GLIS3: variants seen among roughly 807,000 people sequenced by gnomAD.
GLIS3 encodes the protein GLIS family zinc finger 3.
GLIS3 carries 53 observed loss-of-function variants against 78.6 expected under a neutral mutation model. That is an observed-to-expected ratio of 0.67 (90% CI 0.54 to 0.85). The LOEUF (loss-of-function observed/expected upper bound fraction) is 0.85. GLIS3 is among the 40% of genes least tolerant of loss of function. The pLI is 0.00. For missense variants in GLIS3, 1,703 were observed against 1,231.1 expected (o/e 1.38, Z -5.74); for synonymous variants, 684 against 509.9 (o/e 1.34, Z -4.60).
chr9:4,443,685 G>T, the GLIS3 span, among the ~76,000 whole-genome samples: 1 of 152,178 alleles, frequency 6.6e-6, no homozygotes, highest in Admixed American at 6.5e-5. Context: ...TGTTTCTAGA[G>T]GCCAGTTCAA....
chr9:4,127,841 G>GA (rs778237502), intron 2 of GLIS3, among the ~76,000 whole-genome samples: 53 of 152,090 alleles, frequency 3.5e-4, no homozygotes, highest in African/African-American at 1.2e-3. Flanking sequence ...TTCCTTTTCA[G>GA]AAAAAAGGTA....
chr9:4,119,870 C>T (rs780491266), intron 3 of GLIS3, among the ~76,000 whole-genome samples: 3 of 152,220 alleles, frequency 2.0e-5, no homozygotes, highest in Non-Finnish European at 2.9e-5. Flanking sequence ...ATAAAAATCA[C>T]TTCTTGATCT....
chr9:4,050,406 T>G (rs149442726), intron 4 of GLIS3, among the ~76,000 whole-genome samples: 1 of 152,010 alleles, frequency 6.6e-6, no homozygotes, highest in African/African-American at 2.4e-5. Flanking sequence ...ATGAGAACAC[T>G]TGTACACAGG....
intron 4 of GLIS3, among the ~76,000 whole-genome samples, chr9:3,947,644 A>G (rs1483272471): frequency 1.3e-5 from 2 of 152,218 alleles, no homozygotes; most frequent in Non-Finnish European, 2.9e-5. Context: ...TTTACCATAA[A>G]TTGGCCCACA....
At chr9:4,012,297 T>A (rs772680305) in intron 4 of GLIS3, among the ~76,000 whole-genome samples, 4 of 152,138 alleles carry the variant, frequency 2.6e-5, no homozygotes, top group Non-Finnish European at 4.4e-5. Context: ...AACAAACCGA[T>A]GAATTTCTAT....
At chr9:3,852,585 A>G (rs558195715) in intron 9 of GLIS3, among the ~76,000 whole-genome samples, 1 of 152,344 alleles carries the variant, frequency 6.6e-6, no homozygotes, top group African/African-American at 2.4e-5. Context: ...GCCCACTTGA[A>G]AAATAGTAGA....
Position 3,828,242 on chromosome 9 carries a change from C to G in GLIS3, c.*30G>C, listed in dbSNP as rs377136249. Reference sequence around the variant, plus strand: ...AAAGGTGGCAAGCAACATCAAGGTCCTGGGTGTGCAGGAGTGGCCAAGAGA... The same window carrying G: ...AAAGGTGGCAAGCAACATCAAGGTCGTGGGTGTGCAGGAGTGGCCAAGAGA... On this transcript the variant is annotated 3_prime_UTR_variant, in exon 11 of 11. Coordinates refer to ENST00000381971, the MANE Select transcript of GLIS3 (RefSeq NM_001042413.2). The G allele has an allele frequency of 1.2e-6, 2 of 1,613,634 alleles. No individual in the cohort carries two copies. The highest frequency in any genetic ancestry group is 1.7e-6 in the Non-Finnish European group (2 of 1,179,910).
intron 2 of GLIS3, among the ~76,000 whole-genome samples, chr9:4,207,041 A>G (rs1385520423): frequency 2.0e-5 from 3 of 152,218 alleles, no homozygotes; most frequent in African/African-American, 7.2e-5. Flanking sequence ...CCCTTTTAAA[A>G]TAACAGAATC....
At chr9:3,969,381 AT>A (rs1452228251) in intron 4 of GLIS3, among the ~76,000 whole-genome samples, 1 of 152,230 alleles carries the variant, frequency 6.6e-6, no homozygotes, top group Non-Finnish European at 1.5e-5. Context: ...CTCACAGGAA[AT>A]ATCTCCAAAG....
intron 2 of GLIS3, among the ~76,000 whole-genome samples, chr9:4,342,556 T>C (rs1157290971): frequency 6.6e-6 from 1 of 152,236 alleles, no homozygotes; most frequent in African/African-American, 2.4e-5. Flanking sequence ...ACTTTTTGCT[T>C]AGAATTGCTG....
At chr9:4,083,194 G>A (rs1472078321) in intron 4 of GLIS3, among the ~76,000 whole-genome samples, 1 of 152,188 alleles carries the variant, frequency 6.6e-6, no homozygotes, top group East Asian at 1.9e-4. Flanking sequence ...CAAGTGGTGT[G>A]TGTGTTTATG....
the GLIS3 span, among the ~76,000 whole-genome samples, chr9:4,450,690 T>C: frequency 6.6e-6 from 1 of 152,206 alleles, no homozygotes; most frequent in African/African-American, 2.4e-5. Context: ...TGGGGGCCAA[T>C]ATTCGACATT....
chr9:3,856,813 TGATAGGAA>T (rs1819825593), intron 8 of GLIS3, among the ~76,000 whole-genome samples: 1 of 152,150 alleles, frequency 6.6e-6, no homozygotes, highest in Non-Finnish European at 1.5e-5. Flanking sequence ...CCTGAGGGTA[TGATAGGAA>T]GATGATGTAG....
At chr9:3,881,479 A>G (rs938311851) in intron 7 of GLIS3, among the ~76,000 whole-genome samples, 2 of 152,156 alleles carry the variant, frequency 1.3e-5, no homozygotes, top group Non-Finnish European at 2.9e-5. Context: ...GCTCTACTCT[A>G]TGGTCCAACA....
the GLIS3 span, among the ~76,000 whole-genome samples, chr9:4,431,526 A>G: frequency 2.0e-5 from 3 of 152,168 alleles, no homozygotes; most frequent in Non-Finnish European, 4.4e-5. Context: ...CTCTTAGTCC[A>G]GAGGCTGGCA....
At chr9:4,230,104 T>C (rs1822122686) in intron 2 of GLIS3, among the ~76,000 whole-genome samples, 1 of 152,194 alleles carries the variant, frequency 6.6e-6, no homozygotes, top group Non-Finnish European at 1.5e-5. Flanking sequence ...TGAAATGGTA[T>C]AGGTCAGGTC....
At chr9:4,391,594 T>G in the GLIS3 span, among the ~76,000 whole-genome samples, 1 of 150,590 alleles carries the variant, frequency 6.6e-6, no homozygotes, top group Non-Finnish European at 1.5e-5. Flanking sequence ...TCGGGTAGGT[T>G]GAGATGGTCA....
At chr9:4,140,821 G>A (rs1833756198) in intron 2 of GLIS3, among the ~76,000 whole-genome samples, 1 of 148,742 alleles carries the variant, frequency 6.7e-6, no homozygotes, top group Non-Finnish European at 1.5e-5. Flanking sequence ...TTTTTGAGAC[G>A]GAGTTTTGCT....
intron 4 of GLIS3, among the ~76,000 whole-genome samples, chr9:4,062,479 G>C (rs1826732239): frequency 6.8e-6 from 1 of 148,012 alleles, no homozygotes; most frequent in African/African-American, 2.7e-5. Context: ...AGGATTAAGA[G>C]GCTTGAGGGA....
Sources: gnomAD v4.1 joint callset for allele counts (sites outside exome capture counted in the v4.1 genomes callset) on GRCh38, gnomAD v4.1.1 for gene constraint, MANE v1.5 for transcripts, NCBI Gene and HGNC (gene_info 2026-07-23, HGNC 2026-07-21) for gene names.